ERBB4: variants seen among roughly 807,000 people sequenced by gnomAD.
ERBB4 encodes receptor tyrosine-protein kinase erbB-4.
A neutral mutation model predicts 158.0 loss-of-function variants in ERBB4; 42 were observed. That is an observed-to-expected ratio of 0.27 (90% CI 0.21 to 0.34). The LOEUF (loss-of-function observed/expected upper bound fraction) is 0.34, where lower values mean the gene tolerates loss of function less well. Ranked by LOEUF, ERBB4 falls within the 10% of genes least tolerant of loss-of-function variation. The probability of loss-of-function intolerance (pLI) is 1.00; values close to 1 mark genes in which losing one functional copy is unlikely to be tolerated. For synonymous variants in ERBB4, 583 were observed against 558.7 expected, an observed-to-expected ratio of 1.04 and a Z score of -0.61; for missense variants, 1,333 against 1,624.1, an observed-to-expected ratio of 0.82 and a Z score of 3.08.
intron 2 of ERBB4, among the ~76,000 whole-genome samples, chr2:212,056,233 G>T (rs1245083598): frequency 1.3e-5 from 2 of 152,158 alleles, no homozygotes; most frequent in African/African-American, 2.4e-5. Flanking sequence ...AGAGAAAAAA[G>T]AGTAAAAAGA....
intron 1 of ERBB4, among the ~76,000 whole-genome samples, chr2:212,402,978 CTGT>C (rs2091251619): frequency 6.6e-6 from 1 of 151,800 alleles, no homozygotes; most frequent in Non-Finnish European, 1.5e-5. Flanking sequence ...GTTGGAAGAC[CTGT>C]TGTTTATTCA....
At chr2:211,386,704 G>A in intron 27 of ERBB4, 149 bp downstream of exon 27, 1 of 702,108 alleles carries the variant, frequency 1.4e-6, no homozygotes, top group Non-Finnish European at 2.6e-6. Flanking sequence ...CTGATTCAGG[G>A]ACCATACTAC....
rs534719790 is a variant in ERBB4, at chr2:212,097,999, T to A, written c.234+26753A>T. ...TTTGAGGGGAATTCTCTGATTTATG[T>A]GGTAGAATTGTGAGCAGAATAAAAT... On this transcript the variant is annotated intron_variant, in intron 2 of 27. Coordinates refer to ENST00000342788, the MANE Select transcript of ERBB4 (RefSeq NM_005235.3). 6.6e-5 allele frequency among the ~76,000 whole-genome samples: 10 copies of A among 152,228 alleles called. No homozygotes were observed. The South Asian group carries it at 2.1e-3, about 32-fold the overall frequency.
chr2:211,824,644 T>A (rs926263914), intron 3 of ERBB4, among the ~76,000 whole-genome samples: 7 of 150,830 alleles, frequency 4.6e-5, no homozygotes, highest in African/African-American at 1.7e-4. Flanking sequence ...TGTATTATAA[T>A]AGAAGGAATA....
chr2:212,000,237 A>C (rs2076073021), intron 2 of ERBB4, among the ~76,000 whole-genome samples: 1 of 151,862 alleles, frequency 6.6e-6, no homozygotes, highest in South Asian at 2.1e-4. Context: ...TAATCCTCAG[A>C]TAATACAGCC....
At chr2:212,399,526 G>A (rs189607741) in intron 1 of ERBB4, among the ~76,000 whole-genome samples, 29 of 130,456 alleles carry the variant, frequency 2.2e-4, no homozygotes, top group Admixed American at 1.7e-3. Flanking sequence ...TGCCTCCCCT[G>A]ATATATATTT....
In ERBB4 at chr2:212,323,008, T is replaced by C. The variant is rs140251785; in HGVS notation, c.83-198105A>G. On this transcript the variant is annotated intron_variant, in intron 1 of 27. Transcript: ENST00000342788. ...AGCTGATTGCTTGATTGAATAAAAA[T>C]TGGATTGTTAACTCACATTTAAAAT... is the stretch of plus-strand genomic sequence containing the variant. 5.5e-3 allele frequency among the ~76,000 whole-genome samples: 821 copies of C among 150,594 alleles called. 13 individuals are homozygous for C. Among genetic ancestry groups the C allele is most frequent in the African/African-American group, 0.018 (729 of 41,390 alleles).
At position 212,323,106 on chromosome 2, in the gene ERBB4, A is replaced by G. The variant is rs142627365; in HGVS notation, c.83-198203T>C. 5.5e-3 allele frequency among the ~76,000 whole-genome samples: 823 copies of G among 150,722 alleles called. 14 individuals carry two copies. The highest frequency in any genetic ancestry group is 0.018 in the African/African-American group (731 of 41,408). On this transcript the variant is annotated intron_variant, in intron 1 of 27. Transcript: ENST00000342788. Reference sequence around the variant, plus strand: ...AGAAATACCTATCCAATGAAAGCAAATTTAAGAATTTTTGTCACTGTATTT... The same window carrying G: ...AGAAATACCTATCCAATGAAAGCAAGTTTAAGAATTTTTGTCACTGTATTT...
intron 20 of ERBB4, among the ~76,000 whole-genome samples, chr2:211,478,130 T>C (rs1230143217): frequency 6.6e-6 from 1 of 152,150 alleles, no homozygotes; most frequent in African/African-American, 2.4e-5. Context: ...ACCACATTAA[T>C]GGGATCACTA....
intron 20 of ERBB4, among the ~76,000 whole-genome samples, chr2:211,522,809 A>G (rs957429124): frequency 3.3e-5 from 5 of 152,098 alleles, no homozygotes; most frequent in African/African-American, 1.2e-4. Flanking sequence ...TGCTTTTTAG[A>G]TATAATGCTA....
At chr2:212,100,893 G>T (rs1451584160) in intron 2 of ERBB4, among the ~76,000 whole-genome samples, 1 of 152,096 alleles carries the variant, frequency 6.6e-6, no homozygotes, top group African/African-American at 2.4e-5. Flanking sequence ...ATTCTCAAGA[G>T]ATTCTGGTTT....
chr2:211,713,375 A>C (rs933125076), intron 8 of ERBB4, among the ~76,000 whole-genome samples, 160 bp downstream of exon 8: 3 of 152,156 alleles, frequency 2.0e-5, no homozygotes, highest in Non-Finnish European at 4.4e-5. Context: ...AGTGCTATAA[A>C]AGTTCATATT....
chr2:211,418,636 TAAAAAG>T (rs1173972280), intron 25 of ERBB4, among the ~76,000 whole-genome samples: 8 of 152,172 alleles, frequency 5.3e-5, no homozygotes, highest in East Asian at 1.9e-4. Flanking sequence ...AGAATTCTTA[TAAAAAG>T]AAAAAGATTT....
chr2:212,037,220 A>G (rs1309470626), intron 2 of ERBB4, among the ~76,000 whole-genome samples: 2 of 152,136 alleles, frequency 1.3e-5, no homozygotes, highest in Non-Finnish European at 2.9e-5. Flanking sequence ...AAAACTCAGC[A>G]AAGTGTAGAA....
chr2:211,551,263 CAATT>C (rs1197919124), intron 20 of ERBB4, among the ~76,000 whole-genome samples: 2 of 152,104 alleles, frequency 1.3e-5, no homozygotes, highest in East Asian at 3.8e-4. Flanking sequence ...GGTCTGATGA[CAATT>C]AATCACACTA....
intron 3 of ERBB4, among the ~76,000 whole-genome samples, chr2:211,867,024 C>CA (rs386392490): frequency 0.013 from 807 of 60,634 alleles, 95 homozygotes; most frequent in African/African-American, 0.03. Flanking sequence ...TCCTTAAAAC[C>CA]AAAAAAAAAA....
chr2:212,371,121 T>C lies in ERBB4; in HGVS notation c.82+167328A>G, dbSNP rs535457997. Among the ~76,000 whole-genome samples the C allele has an allele frequency of 3.3e-5, 5 of 152,326 alleles. No individual in the cohort carries two copies. The South Asian group carries it at 1.0e-3, about 32-fold the overall frequency. ...TGTGTACCATCCTCCAGATTTTTAC[T>C]GCCCAATCACGTTGGGCAAGGTGTT... On this transcript the variant is annotated intron_variant, in intron 1 of 27. Transcript: ENST00000342788.
At chr2:212,131,285 G>C (rs73987241) in intron 1 of ERBB4, among the ~76,000 whole-genome samples, 3 of 151,922 alleles carry the variant, frequency 2.0e-5, no homozygotes, top group Non-Finnish European at 2.9e-5. Flanking sequence ...TAATTAATTC[G>C]CAACCCAGAG....
At chr2:212,456,873 G>A (rs1688314180) in intron 1 of ERBB4, among the ~76,000 whole-genome samples, 1 of 152,010 alleles carries the variant, frequency 6.6e-6, no homozygotes, top group Admixed American at 6.6e-5. Context: ...TAAGTAGACA[G>A]ACAAAATTGA....
Sources: allele counts gnomAD v4.1 joint callset (sites outside exome capture counted in the v4.1 genomes callset), GRCh38; gene constraint gnomAD v4.1.1; transcripts MANE v1.5; gene names NCBI Gene and HGNC (gene_info 2026-07-23, HGNC 2026-07-21).